The following MCM6 variants were observed in gnomAD, a reference collection of about 807,000 sequenced individuals.
MCM6 encodes the protein minichromosome maintenance complex component 6, also known as DNA replication licensing factor MCM6.
In MCM6, 46 loss-of-function variants were observed where a neutral mutation model predicts 94.3. The observed-to-expected ratio is 0.49, with a 90% CI of 0.39 to 0.62. The LOEUF (loss-of-function observed/expected upper bound fraction) is 0.62, where lower values mean the gene tolerates loss of function less well. Among genes scored for constraint, MCM6 ranks in the 20% least tolerant of loss-of-function variants. The pLI, the probability that MCM6 is intolerant of heterozygous loss-of-function variation, is 0.00. For missense variants in MCM6, 865 were observed against 1,017.9 expected (o/e 0.85, Z 2.04); for synonymous variants, 335 against 351.9 (o/e 0.95, Z 0.54).
intron 16 of MCM6, among the ~76,000 whole-genome samples, chr2:135,842,955 A>C (rs1679601032): frequency 6.6e-6 from 1 of 152,234 alleles, no homozygotes; most frequent in South Asian, 2.1e-4. Context: ...AATCTGATTT[A>C]TATTTTAAAA....
chr2:135,873,647 A>G (rs1373800322), intron 1 of MCM6, among the ~76,000 whole-genome samples: 3 of 129,194 alleles, frequency 2.3e-5, no homozygotes, highest in African/African-American at 7.4e-5. Context: ...TTAAACAACT[A>G]CGTGCAAAGC....
At chr2:135,871,409 T>C (rs756069394) in intron 2 of MCM6, among the ~76,000 whole-genome samples, 41 of 152,210 alleles carry the variant, frequency 2.7e-4, no homozygotes, top group Non-Finnish European at 5.4e-4. Flanking sequence ...TTATTCTTGA[T>C]CATCAGCTAT....
chr2:135,864,198 C>A (rs993330563), intron 7 of MCM6, among the ~76,000 whole-genome samples: 11 of 152,098 alleles, frequency 7.2e-5, no homozygotes, highest in African/African-American at 2.7e-4. Context: ...TGGAAGAGTT[C>A]AAAGATAAAG....
chr2:135,860,974 A>G (rs1679980909), intron 8 of MCM6, among the ~76,000 whole-genome samples: 1 of 152,200 alleles, frequency 6.6e-6, no homozygotes, highest in Admixed American at 6.5e-5. Context: ...GGAATCCACT[A>G]AGACTGTCAC....
Position 135,876,192 on chromosome 2 carries a change from G to T in MCM6, c.107+67C>A, listed in dbSNP as rs573047834. ...GTTCCGGAACACCCGCCGCCCACACGGCACCGCCTGGCCCAGACGCCGCAG... is the reference window on the plus strand; with the variant it reads ...GTTCCGGAACACCCGCCGCCCACACTGCACCGCCTGGCCCAGACGCCGCAG... On this transcript the variant is annotated intron_variant, in intron 1 of 16. Transcript: ENST00000264156. 1.9e-4 allele frequency: 238 copies of T among 1,270,990 alleles called. No individual in the cohort carries two copies. The African/African-American group carries it at 3.5e-3, about 19-fold the overall frequency. The allele number at this position is 1,270,990 out of a possible 1,614,324, so 78.7% of individuals were successfully genotyped here.
At chr2:135,847,890 A>C (rs1179765041) in intron 14 of MCM6, among the ~76,000 whole-genome samples, 163 bp downstream of exon 14, 3 of 152,150 alleles carry the variant, frequency 2.0e-5, no homozygotes, top group Non-Finnish European at 4.4e-5. Context: ...TCAACTATTT[A>C]ATTTCATTTT....
intron 1 of MCM6, among the ~76,000 whole-genome samples, chr2:135,873,883 A>G (rs1680249324): frequency 6.6e-6 from 1 of 152,268 alleles, no homozygotes; most frequent in Admixed American, 6.5e-5. Flanking sequence ...GTTGGAATTC[A>G]GCTTCTGAAA....
chr2:135,866,213 T>G lies in MCM6; in HGVS notation c.846A>C (p.Arg282=). 3 of 1,614,186 alleles carry G rather than the reference T, an allele frequency of 1.9e-6. No individual in the cohort carries two copies. Residue 282 remains arginine, a synonymous_variant, in exon 6 of 17, where the codon CGA becomes CGC. Coordinates refer to ENST00000264156, the MANE Select transcript of MCM6 (RefSeq NM_005915.6). ...CCCTAACACCAAGGGCCCGGAGTCC[T>G]CGAATGCCTTCTGTCTCATATCCAT... ...GVDGYETEGI[R]GLRALGVRDL... is the part of the protein sequence containing the mutation.
intron 13 of MCM6, among the ~76,000 whole-genome samples, chr2:135,849,458 G>C (rs758788395): frequency 4.6e-5 from 7 of 152,086 alleles, no homozygotes; most frequent in Non-Finnish European, 1.0e-4. Context: ...TTACTGAATA[G>C]GAAAAATCAT....
At chr2:135,858,067 G>T in intron 9 of MCM6, 63 bp from the exon 10 acceptor site, 2 of 1,460,938 alleles carry the variant, frequency 1.4e-6, no homozygotes, top group Non-Finnish European at 1.9e-6. Flanking sequence ...GCTCACACTT[G>T]TAATCCCAGC....
intron 13 of MCM6, among the ~76,000 whole-genome samples, chr2:135,850,529 G>T (rs1305266570): frequency 6.6e-6 from 1 of 152,140 alleles, no homozygotes; most frequent in South Asian, 2.1e-4. Context: ...GTGAATCAAA[G>T]AATATTAAAT....
At chr2:135,854,306 G>C (rs999271296) in intron 11 of MCM6, among the ~76,000 whole-genome samples, 1 of 152,038 alleles carries the variant, frequency 6.6e-6, no homozygotes, top group Non-Finnish European at 1.5e-5. Flanking sequence ...GCCAAGACGG[G>C]ATCACCTGAG....
At chr2:135,850,806 T>C (rs1324964441) in intron 13 of MCM6, among the ~76,000 whole-genome samples, 2 of 152,174 alleles carry the variant, frequency 1.3e-5, no homozygotes, top group Non-Finnish European at 2.9e-5. Flanking sequence ...TCCCTTTTTA[T>C]AAATTATACC....
intron 13 of MCM6, among the ~76,000 whole-genome samples, chr2:135,848,611 C>T (rs971577153): frequency 3.3e-5 from 5 of 152,146 alleles, no homozygotes; most frequent in East Asian, 3.8e-4. Flanking sequence ...AGGCCAGGCA[C>T]GGTGGCTCAT....
intron 14 of MCM6, among the ~76,000 whole-genome samples, chr2:135,847,180 C>T (rs1170688610): frequency 1.3e-5 from 2 of 152,048 alleles, no homozygotes; most frequent in East Asian, 3.9e-4. Flanking sequence ...ATCTGAAAGT[C>T]CACTTGCAGT....
rs1050146410 is a variant in MCM6 at position 135,840,191 on chromosome 2, T to C, written c.*644A>G. 1 of 150,132 alleles carries C rather than the reference T, an allele frequency of 6.7e-6. No individual in the cohort carries two copies. The highest frequency in any genetic ancestry group is 1.5e-5 in the Non-Finnish European group (1 of 67,814). The allele number at this position is 150,132 out of a possible 1,614,324, so 9.3% of individuals were successfully genotyped here. ...AGTAAAATAAATTACTAAAGAGTAA[T>C]TTTAAAAAAGTATAATAAACTTTTA... On this transcript the variant is annotated 3_prime_UTR_variant, in exon 17 of 17. Transcript: ENST00000264156.
intron 14 of MCM6, among the ~76,000 whole-genome samples, chr2:135,847,032 A>C (rs1288253543): frequency 1.3e-5 from 2 of 151,104 alleles, no homozygotes; most frequent in South Asian, 2.1e-4. Context: ...AAAAACAAAC[A>C]AAAAAAAACA....
Position 135,848,173 on chromosome 2 carries a change from CAT to C in MCM6, c.1931_1932del (p.His644ArgfsTer10). On this transcript the variant is annotated frameshift_variant, in exon 14 of 17. Coordinates refer to ENST00000264156, the MANE Select transcript of MCM6 (RefSeq NM_005915.6). LOFTEE classifies it high-confidence loss of function. ...TTCAGTAACCGGAAAGCTTCCTTCA[CAT>C]GTTTAGGTTGGACCTAAACCAATAA... Reference protein sequence around the residue: ...MHCCDEVQPKHVKEAFRLLNK... With the variant: ...MHCCDEVQPKXVKEAFRLLNK... 6.2e-7 allele frequency: 1 copy of C among 1,612,062 alleles called. No individual in the cohort carries two copies. The highest frequency in any genetic ancestry group is 8.5e-7 in the Non-Finnish European group (1 of 1,178,286).
intron 9 of MCM6, among the ~76,000 whole-genome samples, chr2:135,858,903 T>G (rs1679938911): frequency 6.6e-6 from 1 of 151,960 alleles, no homozygotes; most frequent in African/African-American, 2.4e-5. Context: ...TTTGTTTTGG[T>G]TTTTTTGAGA....
Sources: gnomAD v4.1 joint callset for allele counts (sites outside exome capture counted in the v4.1 genomes callset) on GRCh38, gnomAD v4.1.1 for gene constraint, MANE v1.5 for transcripts, NCBI Gene and HGNC (gene_info 2026-07-23, HGNC 2026-07-21) for gene names.